The following SMOC1 variants were observed in gnomAD, a reference collection of about 807,000 sequenced individuals.
The protein encoded by SMOC1 is SPARC related modular calcium binding 1, also known as SPARC-related modular calcium-binding protein 1.
In SMOC1, 22 loss-of-function variants were observed where a neutral mutation model predicts 56.3. The observed-to-expected ratio is 0.39, with a 90% CI of 0.28 to 0.56. SMOC1 has a LOEUF of 0.56. Ranked by LOEUF, SMOC1 falls within the 20% of genes least tolerant of loss-of-function variation. The probability of loss-of-function intolerance (pLI) is 0.61; values close to 1 mark genes in which losing one functional copy is unlikely to be tolerated. For missense variants in SMOC1, 509 were observed against 565.4 expected, an observed-to-expected ratio of 0.90 and a Z score of 1.01; for synonymous variants, 193 against 215.0, an observed-to-expected ratio of 0.90 and a Z score of 0.89.
chr14:70,010,192 G>A (rs557556055), intron 7 of SMOC1, among the ~76,000 whole-genome samples: 2 of 152,364 alleles, frequency 1.3e-5, no homozygotes, highest in African/African-American at 4.8e-5. Flanking sequence ...TTGTCCAGCA[G>A]CCTTGGAGGG....
chr14:69,919,819 A>C (rs1441075678), intron 1 of SMOC1, among the ~76,000 whole-genome samples: 1 of 152,234 alleles, frequency 6.6e-6, no homozygotes, highest in Admixed American at 6.5e-5. Context: ...ACAATTAGCC[A>C]ACATAATTTT....
At chr14:69,894,488 G>T (rs1422171575) in intron 1 of SMOC1, among the ~76,000 whole-genome samples, 1 of 152,146 alleles carries the variant, frequency 6.6e-6, no homozygotes. Flanking sequence ...TGGGAGATAG[G>T]GTTACCCATT....
rs528733030 is a variant in SMOC1 at position 70,025,304 on chromosome 14, C to G, written c.1291+1857C>G. Among the ~76,000 whole-genome samples the G allele has an allele frequency of 2.0e-5, 3 of 152,264 alleles. No homozygotes were observed. The Middle Eastern group carries it at 0.01, about 518-fold the overall frequency. The stretch of plus-strand genomic sequence containing the variant: ...AAGATAAAAAGGCCTTTTCCTTGTT[C>G]CTCAGTTGTCAGAGTAAACCCAAAG... On this transcript the variant is annotated intron_variant, in intron 11 of 11. Transcript: ENST00000361956.
intron 11 of SMOC1, among the ~76,000 whole-genome samples, chr14:70,028,969 G>A (rs1229408780): frequency 1.3e-5 from 2 of 152,174 alleles, no homozygotes; most frequent in Non-Finnish European, 2.9e-5. Flanking sequence ...ACTCCTCAAA[G>A]CCCTTTCTCC....
chr14:69,949,680 C>G (rs1341529953), intron 1 of SMOC1, among the ~76,000 whole-genome samples: 1 of 152,148 alleles, frequency 6.6e-6, no homozygotes, highest in African/African-American at 2.4e-5. Context: ...GCCTGAAGGC[C>G]TGGAAGTAGC....
chr14:69,928,341 G>A (rs1238266016), intron 1 of SMOC1, among the ~76,000 whole-genome samples: 2 of 152,178 alleles, frequency 1.3e-5, no homozygotes, highest in African/African-American at 4.8e-5. Context: ...AATCAGAGAT[G>A]GTTTTTCTTG....
Position 69,964,647 on chromosome 14 carries a change from A to G in SMOC1, c.379-11068A>G, listed in dbSNP as rs181942026. On this transcript the variant is annotated intron_variant, in intron 3 of 11. Coordinates refer to ENST00000361956, the MANE Select transcript of SMOC1 (RefSeq NM_001034852.3). ...CCGCCTTGGCCTCCCAAAGTGGTGG[A>G]ATTAAAGGAACTGCTCTTCTTTTTT... Among the ~76,000 whole-genome samples the G allele has an allele frequency of 1.1e-3, 172 of 152,076 alleles. 1 individual carries two copies. Among genetic ancestry groups the G allele is most frequent in the Non-Finnish European group, 1.9e-3 (129 of 67,938 alleles).
chr14:69,960,860 T>C (rs1883344839), intron 3 of SMOC1, among the ~76,000 whole-genome samples: 1 of 152,218 alleles, frequency 6.6e-6, no homozygotes, highest in South Asian at 2.1e-4. Flanking sequence ...CTGTGGTCTG[T>C]GGACCGGCCA....
intron 3 of SMOC1, among the ~76,000 whole-genome samples, chr14:69,963,278 G>A (rs559431179): frequency 1.3e-5 from 2 of 152,182 alleles, no homozygotes; most frequent in Admixed American, 1.3e-4. Context: ...GTGGTCCTAG[G>A]TTTGGAGACA....
chr14:69,917,292 T>C (rs1360722391), intron 1 of SMOC1, among the ~76,000 whole-genome samples: 1 of 152,222 alleles, frequency 6.6e-6, no homozygotes, highest in Non-Finnish European at 1.5e-5. Context: ...CAGGGGTTCT[T>C]AGACAGTTGG....
At chr14:70,016,114 G>C (rs530081450) in intron 10 of SMOC1, among the ~76,000 whole-genome samples, 1 of 152,190 alleles carries the variant, frequency 6.6e-6, no homozygotes, top group African/African-American at 2.4e-5. Flanking sequence ...AGAGCACTGC[G>C]TGGGCTCTGC....
chr14:70,007,363 A>G (rs1735888461), intron 7 of SMOC1, among the ~76,000 whole-genome samples: 1 of 152,238 alleles, frequency 6.6e-6, no homozygotes, highest in African/African-American at 2.4e-5. Flanking sequence ...TATTCATTTT[A>G]GAGTTCTGCA....
Position 69,879,687 on chromosome 14 carries a change from C to G in SMOC1, c.9C>G (p.Pro3=). 6.4e-7 allele frequency: 1 copy of G among 1,564,740 alleles called. No individual in the cohort carries two copies. The highest frequency in any genetic ancestry group is 1.2e-5 in the South Asian group (1 of 86,186). ML[P]ARCARLLTPH... is the part of the protein sequence containing the mutation. ...CCAGCCTGGCTGGCACCATGCTGCC[C>G]GCGCGCTGCGCCCGCCTGCTCACGC... The change falls in exon 1 of 12, where the codon CCC becomes CCG. Residue 3 remains proline (P), a synonymous_variant. Transcript: ENST00000361956.
In SMOC1 at chr14:70,030,299, C is replaced by G; in HGVS notation, c.*41C>G. 4 of 1,611,904 alleles carry G rather than the reference C, an allele frequency of 2.5e-6. No individual in the cohort carries two copies. The highest frequency in any genetic ancestry group is 3.4e-6 in the Non-Finnish European group (4 of 1,179,362). ...AGGGCAGGTGGAGAGTCCAGGGAGG[C>G]AGGATGGATCACCAGACACCTAACC... On this transcript the variant is annotated 3_prime_UTR_variant, in exon 12 of 12. Coordinates refer to ENST00000361956, the MANE Select transcript of SMOC1 (RefSeq NM_001034852.3).
rs528051707 is a variant in SMOC1 at position 70,023,327 on chromosome 14, G to A, written c.1171G>A (p.Val391Met). 1.4e-5 allele frequency: 22 copies of A among 1,614,170 alleles called. No homozygotes were observed. The highest frequency in any genetic ancestry group is 1.2e-4 in the African/African-American group (9 of 75,036). The part of the protein sequence containing the change: ...KREMKPFKRY[V>M]KKKAKPKKCA... ...GGAGATGAAGCCCTTCAAGCGCTAC[G>A]TGAAGAAGAAAGCCAAGCCCAAGAA... The change falls in exon 11 of 12, where the codon GTG becomes ATG. Residue 391 changes from valine (V) to methionine (M), a missense_variant. Physicochemically the swap from Val to Met is conservative, Grantham distance 21. This residue lies in a region of SMOC1 where 176 missense variants were observed against 188.1 expected (regional missense o/e 0.94). Coordinates refer to ENST00000361956, the MANE Select transcript of SMOC1 (RefSeq NM_001034852.3).
intron 5 of SMOC1, among the ~76,000 whole-genome samples, chr14:69,987,362 T>G (rs1884402452): frequency 6.6e-6 from 1 of 152,172 alleles, no homozygotes; most frequent in Non-Finnish European, 1.5e-5. Context: ...GTGGTTTCTT[T>G]TTTCCTCATT....
rs540886628 is a variant in SMOC1, at chr14:70,022,514, A to T, written c.1047-689A>T. On this transcript the variant is annotated intron_variant, in intron 10 of 11. Transcript: ENST00000361956. ...CTGACTAAAACCTCAGGCTGGAGAG[A>T]CTCATCCCCAGTAGGTCCCGGCTTT... Among the ~76,000 whole-genome samples the T allele has an allele frequency of 1.2e-4, 19 of 152,224 alleles. No homozygotes were observed. The South Asian group carries it at 3.9e-3, about 32-fold the overall frequency.
chr14:69,902,332 C>G (rs116054975), intron 1 of SMOC1, among the ~76,000 whole-genome samples: 5 of 152,206 alleles, frequency 3.3e-5, no homozygotes, highest in Non-Finnish European at 7.3e-5. Flanking sequence ...CTAAAAGCTT[C>G]CTTAAATCTC....
chr14:69,905,066 C>T (rs1345666691), intron 1 of SMOC1, among the ~76,000 whole-genome samples: 3 of 151,954 alleles, frequency 2.0e-5, no homozygotes, highest in South Asian at 2.1e-4. Flanking sequence ...AGACTCATAT[C>T]GTGATGGTGG....
Sources: allele counts gnomAD v4.1 joint callset (sites outside exome capture counted in the v4.1 genomes callset), GRCh38; gene constraint gnomAD v4.1.1; regional missense constraint gnomAD v4.1.1; transcripts MANE v1.5; gene names NCBI Gene and HGNC (gene_info 2026-07-23, HGNC 2026-07-21).